DCC: variants seen among roughly 807,000 people sequenced by gnomAD.
DCC encodes DCC netrin 1 receptor, also known as netrin receptor DCC.
DCC carries 58 observed loss-of-function variants against 172.5 expected under a neutral mutation model. The observed-to-expected ratio is 0.34, with a 90% CI of 0.27 to 0.42. The LOEUF is 0.42. DCC is among the 10% of genes least tolerant of loss of function. The pLI is 1.00. For synonymous variants in DCC, 709 were observed against 644.5 expected (o/e 1.10, Z -1.52); for missense variants, 1,740 against 1,791.0 (o/e 0.97, Z 0.51).
chr18:52,529,581 G>C (rs937012225), intron 1 of DCC, among the ~76,000 whole-genome samples: 1 of 152,114 alleles, frequency 6.6e-6, no homozygotes, highest in Non-Finnish European at 1.5e-5. Flanking sequence ...TGAGCCACCG[G>C]GCCCGTGAAG....
intron 12 of DCC, among the ~76,000 whole-genome samples, chr18:53,264,441 A>C (rs1255731088): frequency 9.7e-5 from 14 of 144,746 alleles, no homozygotes; most frequent in African/African-American, 3.7e-4. Flanking sequence ...GCGCCACTGC[A>C]CTCCACCCTG....
At chr18:52,776,466 A>G (rs2037434983) in intron 2 of DCC, among the ~76,000 whole-genome samples, 1 of 152,210 alleles carries the variant, frequency 6.6e-6, no homozygotes, top group Non-Finnish European at 1.5e-5. Context: ...AAGCTGGAAG[A>G]AAAAGTAGGA....
In DCC at chr18:52,587,204, T is replaced by G. The variant is rs371075261; in HGVS notation, c.92-164850T>G. 1.9e-3 allele frequency among the ~76,000 whole-genome samples: 285 copies of G among 152,354 alleles called. 1 individual carries two copies. Among genetic ancestry groups the G allele is most frequent in the African/African-American group, 6.7e-3 (277 of 41,576 alleles). On this transcript the variant is annotated intron_variant, in intron 1 of 28. Transcript: ENST00000442544. ...ATATCGCGGGCTCAGTGTTGGTCTC[T>G]GCTGCTGGCAAACTGGGCACTCAGC...
chr18:52,837,819 G>A (rs1034009337), intron 2 of DCC, among the ~76,000 whole-genome samples: 2 of 152,270 alleles, frequency 1.3e-5, no homozygotes, highest in East Asian at 3.9e-4. Context: ...GATCTGCCCG[G>A]GACTGGGTAA....
intron 13 of DCC, among the ~76,000 whole-genome samples, chr18:53,314,077 A>C (rs1437938005): frequency 4.6e-5 from 7 of 152,212 alleles, no homozygotes; most frequent in African/African-American, 1.7e-4. Flanking sequence ...AACACTATAA[A>C]GTGGAAGCAT....
intron 1 of DCC, among the ~76,000 whole-genome samples, chr18:52,352,172 T>C (rs1023617751): frequency 1.5e-4 from 23 of 152,344 alleles, no homozygotes; most frequent in African/African-American, 5.1e-4. Flanking sequence ...TCTATTCCAA[T>C]GCCTGACTTA....
chr18:52,963,121 TAAAA>T (rs201071419), intron 5 of DCC, among the ~76,000 whole-genome samples: 8 of 151,214 alleles, frequency 5.3e-5, no homozygotes, highest in African/African-American at 1.9e-4. Flanking sequence ...ATTAAAAAAA[TAAAA>T]AAAAGTGAAT....
chr18:53,079,762 G>A (rs2042772168), intron 7 of DCC, among the ~76,000 whole-genome samples: 1 of 152,132 alleles, frequency 6.6e-6, no homozygotes, highest in South Asian at 2.1e-4. Context: ...GTAGGGATGT[G>A]GTTTGGCCAA....
intron 8 of DCC, among the ~76,000 whole-genome samples, chr18:53,161,920 T>C (rs141718439): frequency 1.3e-5 from 2 of 152,346 alleles, no homozygotes; most frequent in African/African-American, 4.8e-5. Context: ...AGCTGAGTTA[T>C]GGAAATAAAG....
intron 25 of DCC, among the ~76,000 whole-genome samples, chr18:53,471,822 T>C (rs1422532919): frequency 1.3e-5 from 2 of 152,190 alleles, no homozygotes; most frequent in Non-Finnish European, 2.9e-5. Flanking sequence ...ACAGCATCTC[T>C]GGTCACTCTC....
At chr18:53,017,685 T>C (rs1407462778) in intron 5 of DCC, among the ~76,000 whole-genome samples, 1 of 152,194 alleles carries the variant, frequency 6.6e-6, no homozygotes, top group Non-Finnish European at 1.5e-5. Context: ...GAAAAATGTA[T>C]ACATGCTCAT....
chr18:53,041,483 G>A lies in DCC; in HGVS notation c.986-21822G>A, dbSNP rs185280671. ...AGCTTTGTTCTTTTTTCTTAGGATT[G>A]TCTTGGCTATCCAGGTTTTTTTTGG... On this transcript the variant is annotated intron_variant, in intron 5 of 28. Coordinates refer to ENST00000442544, the MANE Select transcript of DCC (RefSeq NM_005215.4). Among the ~76,000 whole-genome samples the A allele has an allele frequency of 6.0e-3, 917 of 152,156 alleles. 6 individuals are homozygous for A. The highest frequency in any genetic ancestry group is 8.5e-3 in the Non-Finnish European group (581 of 67,984).
chr18:52,989,091 TA>T (rs1169063508), intron 5 of DCC, among the ~76,000 whole-genome samples: 2 of 152,002 alleles, frequency 1.3e-5, no homozygotes, highest in Non-Finnish European at 2.9e-5. Context: ...TTTCTTTAAT[TA>T]CAGTGAGTGG....
At chr18:52,469,151 G>A (rs542498327) in intron 1 of DCC, among the ~76,000 whole-genome samples, 8 of 152,178 alleles carry the variant, frequency 5.3e-5, no homozygotes, top group Non-Finnish European at 1.0e-4. Flanking sequence ...TCTGCCTCCT[G>A]GGTTCAAGCA....
intron 14 of DCC, 61 bp downstream of exon 14, chr18:53,322,218 G>T: frequency 2.1e-6 from 2 of 952,632 alleles, no homozygotes; most frequent in Non-Finnish European, 3.4e-6. Flanking sequence ...AGCTTCAAAA[G>T]GTCTCTTAAA....
Position 53,532,890 on chromosome 18 carries a change from A to G in DCC, c.*2237A>G, listed in dbSNP as rs900918094. 2.0e-5 allele frequency: 3 copies of G among 151,772 alleles called. No homozygotes were observed. Among genetic ancestry groups the G allele is most frequent in the Admixed American group, 2.0e-4 (3 of 15,220 alleles). The allele number at this position is 151,772 out of a possible 1,614,324, so 9.4% of individuals were successfully genotyped here. A position where few individuals can be genotyped will look rare whatever the true frequency, so the allele number is the denominator to read the frequency against. ...TTCTAGTCAAAAATAATTATTTAGGAAATAAAATTTTTAAAAATCCATTTA... is the reference window on the plus strand; with the variant it reads ...TTCTAGTCAAAAATAATTATTTAGGGAATAAAATTTTTAAAAATCCATTTA... On this transcript the variant is annotated 3_prime_UTR_variant, in exon 29 of 29. Coordinates refer to ENST00000442544, the MANE Select transcript of DCC (RefSeq NM_005215.4).
chr18:52,858,981 G>A (rs1259571927), intron 2 of DCC, among the ~76,000 whole-genome samples: 1 of 152,052 alleles, frequency 6.6e-6, no homozygotes, highest in Non-Finnish European at 1.5e-5. Context: ...GTAAAATAGG[G>A]CAAATATAAT....
intron 24 of DCC, among the ~76,000 whole-genome samples, chr18:53,464,603 A>G (rs1242212047): frequency 1.3e-5 from 2 of 152,044 alleles, no homozygotes; most frequent in Non-Finnish European, 2.9e-5. Flanking sequence ...TTCATGTAAT[A>G]TCAAGCACAG....
At chr18:53,441,329 C>T (rs1471988263) in intron 22 of DCC, among the ~76,000 whole-genome samples, 1 of 152,096 alleles carries the variant, frequency 6.6e-6, no homozygotes, top group Non-Finnish European at 1.5e-5. Context: ...CTTGACAGTG[C>T]TTCTCTGCTC....
Sources: gnomAD v4.1 joint callset for allele counts (sites outside exome capture counted in the v4.1 genomes callset) on GRCh38, gnomAD v4.1.1 for gene constraint, MANE v1.5 for transcripts, NCBI Gene and HGNC (gene_info 2026-07-23, HGNC 2026-07-21) for gene names.